Variants in SETD2 observed in about 807,000 individuals in gnomAD.
SETD2 encodes the protein SET domain containing 2, histone lysine methyltransferase, also known as histone-lysine N-methyltransferase SETD2.
SETD2 carries 31 observed loss-of-function variants against 242.1 expected under a neutral mutation model. The observed-to-expected ratio is 0.13, with a 90% CI of 0.10 to 0.17. SETD2 has a LOEUF of 0.17. Among genes scored for constraint, SETD2 ranks in the 10% least tolerant of loss-of-function variants. The probability of loss-of-function intolerance (pLI) is 1.00; values close to 1 mark genes in which losing one functional copy is unlikely to be tolerated. For missense variants in SETD2, 2,481 were observed against 3,046.3 expected (o/e 0.81, Z 4.37); for synonymous variants, 1,006 against 1,066.5 (o/e 0.94, Z 1.11).
intron 5 of SETD2, among the ~76,000 whole-genome samples, chr3:47,109,451 A>C (rs2042566566): frequency 6.6e-6 from 1 of 151,860 alleles, no homozygotes; most frequent in Admixed American, 6.6e-5. Flanking sequence ...TTCGAGACCA[A>C]CCTGGGCAAC....
At chr3:47,044,441 ATTATC>A (rs917856682) in intron 16 of SETD2, among the ~76,000 whole-genome samples, 4 of 147,276 alleles carry the variant, frequency 2.7e-5, no homozygotes, top group African/African-American at 9.9e-5. Flanking sequence ...CTAAGTACAC[ATTATC>A]TTATTATCCT....
rs775104465 is a variant in SETD2 at position 47,016,977 on chromosome 3, G to A, written c.*116C>T. On this transcript the variant is annotated 3_prime_UTR_variant, in exon 21 of 21. Coordinates refer to ENST00000409792, the MANE Select transcript of SETD2 (RefSeq NM_014159.7). ...CATCTGCAGGGTTGAATTCCCCAGG[G>A]TGATGTATCATCAGTAGCACAGTGC... The A allele has an allele frequency of 4.7e-5, 47 of 1,001,214 alleles. No homozygotes were observed. Among genetic ancestry groups the A allele is most frequent in the Non-Finnish European group, 6.4e-5 (42 of 658,760 alleles). 62.0% of individuals were successfully genotyped at this position (1,001,214 alleles called of 1,614,324 possible). A position where few individuals can be genotyped will look rare whatever the true frequency, so the allele number is the denominator to read the frequency against.
intron 1 of SETD2, among the ~76,000 whole-genome samples, chr3:47,139,142 G>A (rs1480549451): frequency 2.0e-5 from 3 of 151,814 alleles, no homozygotes; most frequent in Admixed American, 2.0e-4. Flanking sequence ...CACTTATCTT[G>A]CCCAAGCTCT....
rs1249422775 is a variant in SETD2, at chr3:47,016,857, G to T, written c.*236C>A. On this transcript the variant is annotated 3_prime_UTR_variant, in exon 21 of 21. Coordinates refer to ENST00000409792, the MANE Select transcript of SETD2 (RefSeq NM_014159.7). Reference sequence around the variant, plus strand: ...CAGGTCTGGCCAGGGTCTTTTCTAAGCCCTTGCACCTCTGATGGCTTCTAA... The same window carrying T: ...CAGGTCTGGCCAGGGTCTTTTCTAATCCCTTGCACCTCTGATGGCTTCTAA... 2 of 505,208 alleles carry T rather than the reference G, an allele frequency of 4.0e-6. No individual in the cohort carries two copies. Among genetic ancestry groups the T allele is most frequent in the African/African-American group, 1.9e-5 (1 of 52,632 alleles). 31.3% of individuals were successfully genotyped at this position (505,208 alleles called of 1,614,324 possible). A position where few individuals can be genotyped will look rare whatever the true frequency, so the allele number is the denominator to read the frequency against.
At chr3:47,144,407 G>A (rs2043805579) in intron 1 of SETD2, among the ~76,000 whole-genome samples, 1 of 152,096 alleles carries the variant, frequency 6.6e-6, no homozygotes, top group Admixed American at 6.6e-5. Flanking sequence ...GGGAGACCGA[G>A]GCAGGCGAAT....
Position 47,120,841 on chromosome 3 carries a change from T to G in SETD2, c.3795A>C (p.Glu1265Asp). Residue 1265 changes from glutamate to aspartate, a missense_variant, in exon 3 of 21, where the codon GAA becomes GAC. Coordinates refer to ENST00000409792, the MANE Select transcript of SETD2 (RefSeq NM_014159.7). Reference protein sequence around the residue: ...LRNLGWDFSQEKPSTTYQQPD... With the variant: ...LRNLGWDFSQDKPSTTYQQPD... ...GTTGCTGATACGTGGTAGAAGGCTT[T>G]TCTTGAGAGAAGTCCCAACCTAAGT... 1.2e-6 allele frequency: 2 copies of G among 1,614,238 alleles called. No individual in the cohort carries two copies. The highest frequency in any genetic ancestry group is 1.7e-6 in the Non-Finnish European group (2 of 1,180,022).
intron 1 of SETD2, among the ~76,000 whole-genome samples, chr3:47,151,494 C>A (rs531865785): frequency 3.9e-5 from 6 of 152,294 alleles, no homozygotes; most frequent in Non-Finnish European, 7.3e-5. Context: ...CAGATTCTAA[C>A]TCCTGCTCCC....
At chr3:47,157,873 CAAAAAAAAAAAAGAAAAGA>C (rs1255267981) in intron 1 of SETD2, among the ~76,000 whole-genome samples, 1 of 116,760 alleles carries the variant, frequency 8.6e-6, no homozygotes, top group Non-Finnish European at 1.8e-5. Context: ...AACTCCATCT[CAAAAAAAAAAAAGAAAAGA>C]AAAAAAAAAG....
intron 13 of SETD2, chr3:47,064,581 C>G (rs1301471747): frequency 5.5e-6 from 2 of 363,488 alleles, no homozygotes; most frequent in African/African-American, 4.3e-5. Context: ...GACTCTGCAC[C>G]TTAGAATATG....
chr3:47,044,495 A>T (rs985942830), intron 16 of SETD2, among the ~76,000 whole-genome samples: 1 of 151,958 alleles, frequency 6.6e-6, no homozygotes. Context: ...ATCTTCACTA[A>T]CTGTCCTGTC....
At chr3:47,051,847 T>C (rs1365018468) in intron 15 of SETD2, among the ~76,000 whole-genome samples, 1 of 152,208 alleles carries the variant, frequency 6.6e-6, no homozygotes, top group African/African-American at 2.4e-5. Context: ...TCTTTGGCCA[T>C]CAGTGACAAT....
chr3:47,150,948 AAAAAG>A (rs2043970301), intron 1 of SETD2, among the ~76,000 whole-genome samples: 1 of 151,890 alleles, frequency 6.6e-6, no homozygotes, highest in East Asian at 1.9e-4. Context: ...AAGAAAAAGA[AAAAAG>A]AAAAGCATGT....
At chr3:47,075,508 G>C (rs1319026250) in intron 12 of SETD2, among the ~76,000 whole-genome samples, 2 of 141,006 alleles carry the variant, frequency 1.4e-5, no homozygotes, top group African/African-American at 5.3e-5. Context: ...AGGTTGTGGT[G>C]AGCCAAGATC....
Position 47,121,570 on chromosome 3 carries a change from G to A in SETD2, c.3066C>T (p.Asp1022=), listed in dbSNP as rs1331676012. Residue 1022 remains aspartate, a synonymous_variant, in exon 3 of 21, where the codon GAC becomes GAT. Transcript: ENST00000409792. ...SDGVTYALKC[D]SSGHAPEIVS... The stretch of plus-strand genomic sequence containing the variant: ...CAATTTCTGGGGCATGACCACTACT[G>A]TCACACTTTAATGCATAAGTTACAC... 2 of 1,614,048 alleles carry A rather than the reference G, an allele frequency of 1.2e-6. No individual in the cohort carries two copies. Among genetic ancestry groups the A allele is most frequent in the Non-Finnish European group, 8.5e-7 (1 of 1,179,956 alleles).
Position 47,095,213 on chromosome 3 carries a change from G to A in SETD2, c.5142+2742C>T, listed in dbSNP as rs369740329. 2.0e-5 allele frequency among the ~76,000 whole-genome samples: 3 copies of A among 152,322 alleles called. No homozygotes were observed. In the East Asian group the frequency reaches 5.8e-4, roughly 29 times the overall value. ...TGCAGTGGTGCCATCTCGGCTCACT[G>A]CAAGCTCTGCCTCCTGGGTTCAAGC... On this transcript the variant is annotated intron_variant, in intron 9 of 20. Transcript: ENST00000409792.
At chr3:47,163,791 C>T in intron 1 of SETD2, 63 bp downstream of exon 1, 1 of 1,236,018 alleles carries the variant, frequency 8.1e-7, no homozygotes, top group South Asian at 4.1e-5. Context: ...CGTCAGGACG[C>T]GCCGCCCTCG....
At chr3:47,131,156 C>T (rs1465235743) in intron 1 of SETD2, among the ~76,000 whole-genome samples, 3 of 151,980 alleles carry the variant, frequency 2.0e-5, no homozygotes, top group Admixed American at 2.0e-4. Flanking sequence ...ATGGTTAAAG[C>T]TAAATAGAAG....
chr3:47,046,828 T>G (rs1018911497), intron 15 of SETD2: 6 of 361,414 alleles, frequency 1.7e-5, no homozygotes, highest in South Asian at 2.0e-4. Flanking sequence ...TTTACTTACT[T>G]TGATTTTACT....
intron 18 of SETD2, among the ~76,000 whole-genome samples, chr3:47,033,648 T>C (rs939805317): frequency 7.4e-6 from 1 of 136,024 alleles, no homozygotes; most frequent in Admixed American, 8.7e-5. Flanking sequence ...CCTGTCATGG[T>C]TTGATTTTTT....
Sources: allele counts gnomAD v4.1 joint callset (sites outside exome capture counted in the v4.1 genomes callset), GRCh38; gene constraint gnomAD v4.1.1; transcripts MANE v1.5; gene names NCBI Gene and HGNC (gene_info 2026-07-23, HGNC 2026-07-21).